The following PRUNE1 variants were observed in gnomAD, a reference collection of about 807,000 sequenced individuals.
PRUNE1 encodes the protein prune exopolyphosphatase 1, also known as exopolyphosphatase PRUNE1.
PRUNE1 carries 25 observed loss-of-function variants against 42.5 expected under a neutral mutation model. The observed-to-expected ratio is 0.59, with a 90% CI of 0.43 to 0.82. PRUNE1 has a LOEUF of 0.82. PRUNE1 is among the 40% of genes least tolerant of loss of function. PRUNE1 has a pLI of 0.00. For missense variants in PRUNE1, 443 were observed against 539.3 expected, an observed-to-expected ratio of 0.82 and a Z score of 1.77; for synonymous variants, 203 against 217.1, an observed-to-expected ratio of 0.93 and a Z score of 0.57.
chr1:151,022,108 ATT>A (rs60255032), intron 3 of PRUNE1, among the ~76,000 whole-genome samples: 131 of 125,746 alleles, frequency 1.0e-3, no homozygotes, highest in African/African-American at 2.6e-3. Context: ...TTCCTGGCTA[ATT>A]TTTTTTTTTT....
chr1:151,029,008 C>T (rs1275362480), intron 7 of PRUNE1, 64 bp downstream of exon 7: 2 of 1,487,258 alleles, frequency 1.3e-6, no homozygotes, highest in Admixed American at 1.8e-5. Flanking sequence ...TACCTCTGTG[C>T]TCTACAGCTG....
At position 151,028,809 on chromosome 1, in the gene PRUNE1, C is replaced by G; in HGVS notation, c.798C>G (p.Leu266=). ...DLEAFLQRSN[L]LADLHAFCQA... is the part of the protein sequence containing the mutation. ...AGGCCTTTCTGCAGAGGTCTAACCTCCTTGCAGATCTCCATGCTTTCTGCC... is the reference window on the plus strand; with the variant it reads ...AGGCCTTTCTGCAGAGGTCTAACCTGCTTGCAGATCTCCATGCTTTCTGCC... The change falls in exon 7 of 8, where the codon CTC becomes CTG. Residue 266 remains leucine, a synonymous_variant. Coordinates refer to ENST00000271620, the MANE Select transcript of PRUNE1 (RefSeq NM_021222.3). 6.2e-7 allele frequency: 1 copy of G among 1,614,126 alleles called. No homozygotes were observed. The highest frequency in any genetic ancestry group is 8.5e-7 in the Non-Finnish European group (1 of 1,180,024).
At chr1:151,014,764 G>T (rs931265929) in intron 1 of PRUNE1, among the ~76,000 whole-genome samples, 4 of 152,118 alleles carry the variant, frequency 2.6e-5, no homozygotes, top group Non-Finnish European at 5.9e-5. Flanking sequence ...GGGCAGTTTT[G>T]CCCCCCAGGG....
intron 3 of PRUNE1, among the ~76,000 whole-genome samples, chr1:151,023,876 C>T (rs2102923716): frequency 6.6e-6 from 1 of 151,720 alleles, no homozygotes; most frequent in East Asian, 2.0e-4. Flanking sequence ...AAGATGACTC[C>T]AATTATAACA....
chr1:151,029,869 C>T (rs1320538026), intron 7 of PRUNE1, among the ~76,000 whole-genome samples: 2 of 152,114 alleles, frequency 1.3e-5, no homozygotes, highest in Non-Finnish European at 2.9e-5. Flanking sequence ...ATAGTGCAAA[C>T]TCTGTAAAGA....
chr1:151,029,747 A>G (rs1423236308), intron 7 of PRUNE1, among the ~76,000 whole-genome samples: 1 of 152,012 alleles, frequency 6.6e-6, no homozygotes, highest in East Asian at 1.9e-4. Flanking sequence ...CAAAAACTCT[A>G]TTCTTGGTTT....
At chr1:151,013,953 G>A (rs587727445) in intron 1 of PRUNE1, among the ~76,000 whole-genome samples, 27 of 151,638 alleles carry the variant, frequency 1.8e-4, no homozygotes, top group African/African-American at 6.5e-4. Context: ...CCCCAGTGCT[G>A]TTCAGTATGA....
At chr1:151,027,186 AC>A in intron 5 of PRUNE1, 46 bp from the exon 6 acceptor site, 1 of 1,429,488 alleles carries the variant, frequency 7.0e-7, no homozygotes, top group Non-Finnish European at 9.8e-7. Flanking sequence ...TGGTCTTGGG[AC>A]CCTGGCCTAC....
chr1:151,012,216 T>C (rs1673813461), intron 1 of PRUNE1, among the ~76,000 whole-genome samples: 1 of 152,250 alleles, frequency 6.6e-6, no homozygotes, highest in South Asian at 2.1e-4. Flanking sequence ...CTGAACTCTT[T>C]CTCTGATGGT....
intron 3 of PRUNE1, among the ~76,000 whole-genome samples, chr1:151,024,135 C>T (rs1405867013): frequency 8.1e-5 from 12 of 148,614 alleles, no homozygotes; most frequent in African/African-American, 2.5e-4. Flanking sequence ...TTGCAGGAGC[C>T]GAGATCGTGC....
chr1:151,023,909 G>C (rs587764424), intron 3 of PRUNE1, among the ~76,000 whole-genome samples: 2 of 151,910 alleles, frequency 1.3e-5, no homozygotes, highest in African/African-American at 4.8e-5. Context: ...ATTGCTGGGC[G>C]CGGTGGCTCA....
intron 4 of PRUNE1, among the ~76,000 whole-genome samples, chr1:151,025,002 A>G (rs1270525397): frequency 2.0e-5 from 3 of 151,530 alleles, no homozygotes; most frequent in African/African-American, 7.2e-5. Flanking sequence ...AAGGAAGTGC[A>G]GGGCAACAGA....
rs368861169 is a variant in PRUNE1, at chr1:151,027,223, T to A, written c.680-10T>A. The A allele has an allele frequency of 4.9e-5, 78 of 1,593,160 alleles. No individual in the cohort carries two copies. The highest frequency in any genetic ancestry group is 6.3e-5 in the Non-Finnish European group (73 of 1,161,466). The stretch of plus-strand genomic sequence containing the variant: ...CCTGTTTGACCCCTAGTCTCTCATC[T>A]GCTTTCTAGGACTGACCACTGAGCA... On this transcript the variant is annotated splice_polypyrimidine_tract_variant and intron_variant, in intron 5 of 7. Coordinates refer to ENST00000271620, the MANE Select transcript of PRUNE1 (RefSeq NM_021222.3).
At chr1:151,029,570 T>G (rs1012594204) in intron 7 of PRUNE1, among the ~76,000 whole-genome samples, 1 of 151,490 alleles carries the variant, frequency 6.6e-6, no homozygotes, top group Non-Finnish European at 1.5e-5. Flanking sequence ...GGTTTCACCG[T>G]GTTAGCCAGG....
chr1:151,011,759 T>C (rs1673782056), intron 1 of PRUNE1, among the ~76,000 whole-genome samples: 1 of 151,066 alleles, frequency 6.6e-6, no homozygotes, highest in Admixed American at 6.7e-5. Flanking sequence ...GGGTGTTTAT[T>C]CATTTATTTA....
chr1:151,024,186 CAAA>C (rs34553676), intron 3 of PRUNE1, among the ~76,000 whole-genome samples: 63 of 108,444 alleles, frequency 5.8e-4, no homozygotes, highest in African/African-American at 1.4e-3. Context: ...GACTCCGTCT[CAAA>C]AAAAAAAAAA....
chr1:151,029,207 T>C (rs587708449), intron 7 of PRUNE1, among the ~76,000 whole-genome samples: 1 of 151,422 alleles, frequency 6.6e-6, no homozygotes, highest in African/African-American at 2.4e-5. Flanking sequence ...CAAAGAGAAC[T>C]AGAGATTCAA....
chr1:151,028,147 A>G (rs587728182), intron 6 of PRUNE1, among the ~76,000 whole-genome samples: 1 of 152,094 alleles, frequency 6.6e-6, no homozygotes, highest in Admixed American at 6.6e-5. Flanking sequence ...CTCAGCTCAG[A>G]TGTCTCTTGT....
Position 151,008,569 on chromosome 1 carries a change from A to G in PRUNE1, c.-64A>G, listed in dbSNP as rs1673488197. The G allele has an allele frequency of 1.3e-6, 2 of 1,588,902 alleles. No individual in the cohort carries two copies. Among genetic ancestry groups the G allele is most frequent in the African/African-American group, 1.3e-5 (1 of 74,354 alleles). ...CCGGGCGGGCTGCATTCGTCGGGGAAACCTCTCCTCGACCAGGGGCACCTC... is the reference window on the plus strand; with the variant it reads ...CCGGGCGGGCTGCATTCGTCGGGGAGACCTCTCCTCGACCAGGGGCACCTC... On this transcript the variant is annotated 5_prime_UTR_variant, in exon 1 of 8. Transcript: ENST00000271620.
Sources: allele counts gnomAD v4.1 joint callset (sites outside exome capture counted in the v4.1 genomes callset), GRCh38; gene constraint gnomAD v4.1.1; transcripts MANE v1.5; gene names NCBI Gene and HGNC (gene_info 2026-07-23, HGNC 2026-07-21).